Variants in NELL1 observed in about 807,000 individuals in gnomAD.
NELL1 encodes protein kinase C-binding protein NELL1.
In NELL1, 76 loss-of-function variants were observed where a neutral mutation model predicts 107.4. The observed-to-expected ratio is 0.71, with a 90% CI of 0.59 to 0.86. The LOEUF (loss-of-function observed/expected upper bound fraction) is 0.86, where lower values mean the gene tolerates loss of function less well. Among genes scored for constraint, NELL1 ranks in the 40% least tolerant of loss-of-function variants. The probability of loss-of-function intolerance (pLI) is 0.00; values close to 1 mark genes in which losing one functional copy is unlikely to be tolerated. For missense variants in NELL1, 1,024 were observed against 1,005.5 expected (o/e 1.02, Z -0.25); for synonymous variants, 353 against 341.2 (o/e 1.03, Z -0.38).
intron 15 of NELL1, among the ~76,000 whole-genome samples, chr11:21,524,585 G>A (rs963057919): frequency 6.6e-6 from 1 of 152,008 alleles, no homozygotes; most frequent in African/African-American, 2.4e-5. Flanking sequence ...TGGAATAGGT[G>A]GGTATGTAAA....
At chr11:21,302,005 A>G (rs1028525192) in intron 14 of NELL1, among the ~76,000 whole-genome samples, 1 of 152,078 alleles carries the variant, frequency 6.6e-6, no homozygotes, top group Non-Finnish European at 1.5e-5. Context: ...CAGAGGCAGT[A>G]TAGGTTCCAT....
chr11:21,507,750 G>A (rs985433421), intron 15 of NELL1, among the ~76,000 whole-genome samples: 2 of 151,140 alleles, frequency 1.3e-5, no homozygotes, highest in Admixed American at 1.3e-4. Flanking sequence ...AAATATACCA[G>A]AGAGTTATTA....
chr11:21,322,712 A>G (rs1850041434), intron 14 of NELL1, among the ~76,000 whole-genome samples: 1 of 152,088 alleles, frequency 6.6e-6, no homozygotes. Flanking sequence ...TGGTTCCATG[A>G]AACCAGACTT....
chr11:20,692,868 C>G (rs1429881488), intron 2 of NELL1, among the ~76,000 whole-genome samples: 2 of 152,078 alleles, frequency 1.3e-5, no homozygotes, highest in Non-Finnish European at 2.9e-5. Context: ...GTTGATCTGT[C>G]TAATGTTGAC....
At chr11:21,168,267 C>G (rs1040240819) in intron 13 of NELL1, among the ~76,000 whole-genome samples, 1 of 151,804 alleles carries the variant, frequency 6.6e-6, no homozygotes, top group Admixed American at 6.6e-5. Context: ...TTTACTATCT[C>G]CTCCAGGCAT....
At chr11:21,006,040 G>T (rs191550896) in intron 12 of NELL1, among the ~76,000 whole-genome samples, 1 of 151,870 alleles carries the variant, frequency 6.6e-6, no homozygotes, top group African/African-American at 2.4e-5. Context: ...ATAGATTTGG[G>T]GGGGGGAGTG....
At chr11:20,772,536 T>A (rs1194763632) in intron 2 of NELL1, among the ~76,000 whole-genome samples, 1 of 152,244 alleles carries the variant, frequency 6.6e-6, no homozygotes, top group Non-Finnish European at 1.5e-5. Context: ...GTCCTGACTT[T>A]AATGTCTAGA....
intron 15 of NELL1, among the ~76,000 whole-genome samples, chr11:21,373,252 G>C (rs1851396893): frequency 6.6e-6 from 1 of 151,920 alleles, no homozygotes; most frequent in African/African-American, 2.4e-5. Context: ...ATAAATTATA[G>C]GCTAAACACT....
chr11:20,853,198 T>A (rs1848822922), intron 4 of NELL1, among the ~76,000 whole-genome samples: 1 of 152,096 alleles, frequency 6.6e-6, no homozygotes. Flanking sequence ...GTAAGTAGTA[T>A]CGAGTTGGTA....
chr11:20,773,980 TTCTTC>T (rs1179100875), intron 2 of NELL1, among the ~76,000 whole-genome samples: 1 of 151,440 alleles, frequency 6.6e-6, no homozygotes, highest in African/African-American at 2.4e-5. Flanking sequence ...CCCTCTCTCT[TTCTTC>T]TCTTCTCTCT....
At chr11:21,166,689 A>G (rs1856490838) in intron 13 of NELL1, among the ~76,000 whole-genome samples, 1 of 151,966 alleles carries the variant, frequency 6.6e-6, no homozygotes, top group African/African-American at 2.4e-5. Context: ...TATAAATAGT[A>G]CCATAATCCA....
intron 13 of NELL1, among the ~76,000 whole-genome samples, chr11:21,136,010 A>T (rs969493900): frequency 2.0e-5 from 3 of 152,160 alleles, no homozygotes; most frequent in African/African-American, 7.2e-5. Flanking sequence ...AATACTTATT[A>T]TTTCAGTTGT....
At chr11:20,863,835 C>G (rs192542006) in intron 4 of NELL1, among the ~76,000 whole-genome samples, 406 of 152,324 alleles carry the variant, frequency 2.7e-3, no homozygotes, top group Middle Eastern at 6.8e-3. Context: ...ACTGAGTGAA[C>G]GAGACTCCGT....
chr11:21,126,836 G>A (rs1191098565), intron 13 of NELL1, among the ~76,000 whole-genome samples: 1 of 152,220 alleles, frequency 6.6e-6, no homozygotes, highest in Non-Finnish European at 1.5e-5. Flanking sequence ...ACAAGGAGAT[G>A]ATGTAGTGTA....
At chr11:21,302,547 C>A (rs1430324569) in intron 14 of NELL1, among the ~76,000 whole-genome samples, 2 of 151,932 alleles carry the variant, frequency 1.3e-5, no homozygotes, top group African/African-American at 4.8e-5. Context: ...TTTATGGAAC[C>A]AACCCATACC....
intron 15 of NELL1, among the ~76,000 whole-genome samples, chr11:21,496,770 T>C (rs573088343): frequency 4.6e-5 from 7 of 152,254 alleles, no homozygotes; most frequent in Admixed American, 4.6e-4. Context: ...TCTCCCTACT[T>C]TCTTGTTTCA....
At chr11:21,513,412 C>G (rs993913043) in intron 15 of NELL1, among the ~76,000 whole-genome samples, 1 of 152,050 alleles carries the variant, frequency 6.6e-6, no homozygotes, top group Non-Finnish European at 1.5e-5. Context: ...GAGAGAGACA[C>G]ATTGGTGGCT....
At chr11:21,250,045 C>A (rs1332642949) in intron 14 of NELL1, among the ~76,000 whole-genome samples, 1 of 152,160 alleles carries the variant, frequency 6.6e-6, no homozygotes, top group Non-Finnish European at 1.5e-5. Flanking sequence ...GTGGAGCTTT[C>A]ATGTTTACTG....
intron 13 of NELL1, among the ~76,000 whole-genome samples, chr11:21,147,140 C>T (rs1855999214): frequency 6.6e-6 from 1 of 152,132 alleles, no homozygotes; most frequent in Admixed American, 6.6e-5. Context: ...TCCTTAGAAC[C>T]CCTTTTAGTG....
Sources: gnomAD v4.1 joint callset for allele counts (sites outside exome capture counted in the v4.1 genomes callset) on GRCh38, gnomAD v4.1.1 for gene constraint, MANE v1.5 for transcripts, NCBI Gene and HGNC (gene_info 2026-07-23, HGNC 2026-07-21) for gene names.